Variants in PTPRD observed in about 807,000 individuals in gnomAD.
PTPRD encodes the protein receptor-type tyrosine-protein phosphatase delta.
PTPRD carries 34 observed loss-of-function variants against 214.5 expected under a neutral mutation model. The observed-to-expected ratio is 0.16, with a 90% CI of 0.12 to 0.21. The LOEUF (loss-of-function observed/expected upper bound fraction) is 0.21, where lower values mean the gene tolerates loss of function less well. Among genes scored for constraint, PTPRD ranks in the 10% least tolerant of loss-of-function variants. The probability of loss-of-function intolerance (pLI) is 1.00; values close to 1 mark genes in which losing one functional copy is unlikely to be tolerated. For synonymous variants in PTPRD, 1,128 were observed against 845.7 expected (o/e 1.33, Z -5.79); for missense variants, 2,545 against 2,398.7 (o/e 1.06, Z -1.27).
In PTPRD at chr9:10,598,246, T is replaced by C. The variant is rs190751831; in HGVS notation, c.-600+14152A>G. ...GAACTTGAACATATTATATTCAGTTTTACATAAGTATTATACATTTTGAAT... is the reference window on the plus strand; with the variant it reads ...GAACTTGAACATATTATATTCAGTTCTACATAAGTATTATACATTTTGAAT... On this transcript the variant is annotated intron_variant, in intron 2 of 45. Coordinates refer to ENST00000381196, the MANE Select transcript of PTPRD (RefSeq NM_002839.4). Among the ~76,000 whole-genome samples the C allele has an allele frequency of 7.9e-5, 12 of 151,962 alleles. No homozygotes were observed. In the East Asian group the frequency reaches 2.3e-3, roughly 30 times the overall value.
intron 5 of PTPRD, among the ~76,000 whole-genome samples, chr9:9,789,997 A>G (rs191740829): frequency 4.6e-5 from 7 of 152,154 alleles, no homozygotes; most frequent in Admixed American, 4.6e-4. Flanking sequence ...GAAACAACTA[A>G]AAGAACACAC....
intron 3 of PTPRD, among the ~76,000 whole-genome samples, chr9:10,325,514 G>A (rs1479376365): frequency 6.6e-6 from 1 of 151,864 alleles, no homozygotes; most frequent in Non-Finnish European, 1.5e-5. Context: ...TACAAGGAAA[G>A]AGAAAGTAAT....
intron 8 of PTPRD, among the ~76,000 whole-genome samples, chr9:9,488,131 T>C (rs1283533556): frequency 6.6e-6 from 1 of 152,190 alleles, no homozygotes; most frequent in Non-Finnish European, 1.5e-5. Flanking sequence ...AGTATCTGTC[T>C]GATGTAAATA....
intron 2 of PTPRD, among the ~76,000 whole-genome samples, chr9:10,509,139 G>T (rs1350274158): frequency 6.6e-6 from 1 of 151,866 alleles, no homozygotes; most frequent in Non-Finnish European, 1.5e-5. Flanking sequence ...TATTATATAT[G>T]CAGGTAAACT....
intron 7 of PTPRD, among the ~76,000 whole-genome samples, chr9:9,674,291 G>T (rs1195495602): frequency 1.3e-5 from 2 of 151,690 alleles, no homozygotes; most frequent in African/African-American, 4.8e-5. Flanking sequence ...ACTTTGCAAT[G>T]TATATTTCCA....
chr9:10,555,586 A>G (rs1422576519), intron 2 of PTPRD, among the ~76,000 whole-genome samples: 2 of 152,216 alleles, frequency 1.3e-5, no homozygotes, highest in South Asian at 2.1e-4. Flanking sequence ...CCAGTCTCCT[A>G]CAAAAGGCAA....
intron 10 of PTPRD, among the ~76,000 whole-genome samples, chr9:9,156,290 A>C (rs2099881126): frequency 6.6e-6 from 1 of 152,064 alleles, no homozygotes; most frequent in South Asian, 2.1e-4. Flanking sequence ...TATAATACAT[A>C]ATAGCTGACT....
At chr9:8,948,663 T>G (rs2099085633) in intron 11 of PTPRD, among the ~76,000 whole-genome samples, 1 of 141,262 alleles carries the variant, frequency 7.1e-6, no homozygotes, top group East Asian at 2.1e-4. Context: ...AATACCTCCG[T>G]AGTGATACAA....
chr9:8,702,628 C>T (rs1314213221), intron 12 of PTPRD, among the ~76,000 whole-genome samples: 3 of 152,094 alleles, frequency 2.0e-5, no homozygotes, highest in South Asian at 2.1e-4. Context: ...TTTTGGGTTT[C>T]TTTTAGACAG....
At chr9:8,945,697 T>C (rs2099059907) in intron 11 of PTPRD, among the ~76,000 whole-genome samples, 1 of 152,092 alleles carries the variant, frequency 6.6e-6, no homozygotes, top group Admixed American at 6.6e-5. Flanking sequence ...TATTTGGTAA[T>C]GGATTCCACA....
chr9:9,496,197 A>T lies in PTPRD; in HGVS notation c.-237+78535T>A, dbSNP rs190151783. ...CACCAAAAACTTAGGCAACAAAATT[A>T]AAAAAATAGACAATTTTGACTTTAG... On this transcript the variant is annotated intron_variant, in intron 8 of 45. Transcript: ENST00000381196. 2.6e-3 allele frequency among the ~76,000 whole-genome samples: 399 copies of T among 152,168 alleles called. 2 individuals are homozygous for T. The highest frequency in any genetic ancestry group is 7.1e-3 in the Admixed American group (108 of 15,288).
chr9:8,707,515 C>T (rs2098235328), intron 12 of PTPRD, among the ~76,000 whole-genome samples: 1 of 152,206 alleles, frequency 6.6e-6, no homozygotes, highest in African/African-American at 2.4e-5. Flanking sequence ...ACAAAGTGTT[C>T]CTTAAATTAC....
chr9:10,450,367 T>G (rs2098833013), intron 2 of PTPRD, among the ~76,000 whole-genome samples: 1 of 152,052 alleles, frequency 6.6e-6, no homozygotes, highest in African/African-American at 2.4e-5. Flanking sequence ...GTGCTTAACT[T>G]CTTTATCTAA....
intron 11 of PTPRD, among the ~76,000 whole-genome samples, chr9:8,912,967 T>A (rs984201648): frequency 6.6e-6 from 1 of 152,144 alleles, no homozygotes; most frequent in African/African-American, 2.4e-5. Flanking sequence ...AAATGTTAAT[T>A]ATAATGATGA....
intron 9 of PTPRD, among the ~76,000 whole-genome samples, chr9:9,372,865 C>T (rs2059892340): frequency 6.6e-6 from 1 of 152,062 alleles, no homozygotes; most frequent in African/African-American, 2.4e-5. Flanking sequence ...TTCTCCTTCA[C>T]TTATGAAGCT....
At chr9:10,219,433 T>G (rs772024324) in intron 3 of PTPRD, among the ~76,000 whole-genome samples, 5 of 151,872 alleles carry the variant, frequency 3.3e-5, no homozygotes, top group Admixed American at 2.0e-4. Context: ...TTTCTATTCA[T>G]GCTGAAATCA....
chr9:9,949,585 C>G (rs1157317374), intron 4 of PTPRD, among the ~76,000 whole-genome samples: 1 of 152,080 alleles, frequency 6.6e-6, no homozygotes, highest in South Asian at 2.1e-4. Flanking sequence ...ATCATACGAC[C>G]TAGGTTAAGC....
intron 11 of PTPRD, among the ~76,000 whole-genome samples, chr9:8,802,858 C>T (rs1412576742): frequency 6.6e-6 from 1 of 151,970 alleles, no homozygotes. Flanking sequence ...TCCAGAGCAG[C>T]CTGGGCAACA....
intron 3 of PTPRD, among the ~76,000 whole-genome samples, chr9:10,114,137 G>A: frequency 6.6e-6 from 1 of 152,144 alleles, no homozygotes; most frequent in Middle Eastern, 3.2e-3. Context: ...CACTGTAAAG[G>A]TGGAAAGAAC....
Sources: gnomAD v4.1 joint callset for allele counts (sites outside exome capture counted in the v4.1 genomes callset) on GRCh38, gnomAD v4.1.1 for gene constraint, MANE v1.5 for transcripts, NCBI Gene and HGNC (gene_info 2026-07-23, HGNC 2026-07-21) for gene names.